Variants in GNB4 observed in about 807,000 individuals in gnomAD.
GNB4 encodes the protein G protein subunit beta 4, also known as guanine nucleotide-binding protein subunit beta-4.
A neutral mutation model predicts 45.2 loss-of-function variants in GNB4; 28 were observed. The observed-to-expected ratio is 0.62, with a 90% CI of 0.46 to 0.85. The LOEUF (loss-of-function observed/expected upper bound fraction) is 0.85, where lower values mean the gene tolerates loss of function less well. GNB4 is among the 40% of genes least tolerant of loss of function. GNB4 has a pLI of 0.00. For synonymous variants in GNB4, 132 were observed against 143.7 expected (o/e 0.92, Z 0.58); for missense variants, 321 against 425.4 (o/e 0.75, Z 2.16).
At chr3:179,525,421 A>G in the GNB4 span, among the ~76,000 whole-genome samples, 1 of 152,160 alleles carries the variant, frequency 6.6e-6, no homozygotes, top group African/African-American at 2.4e-5. Flanking sequence ...GGTTGCCCAT[A>G]GTGAAGGAGG....
chr3:179,468,052 A>ATATATATATATATATATATATATATAT, the GNB4 span, among the ~76,000 whole-genome samples: 3 of 139,456 alleles, frequency 2.2e-5, no homozygotes, highest in Admixed American at 7.2e-5. Context: ...ATATATATAG[A>ATATATATATATATATATATATATATAT]ACAGGTGTGG....
the GNB4 span, among the ~76,000 whole-genome samples, chr3:179,476,631 T>C: frequency 6.6e-6 from 1 of 152,228 alleles, no homozygotes; most frequent in African/African-American, 2.4e-5. Flanking sequence ...GACAAGCCTC[T>C]GCCTGGCCTC....
chr3:179,485,958 C>G, the GNB4 span, among the ~76,000 whole-genome samples: 7 of 151,034 alleles, frequency 4.6e-5, no homozygotes, highest in African/African-American at 1.7e-4. Flanking sequence ...AAAACAACAA[C>G]AAAAACTCAG....
the GNB4 span, among the ~76,000 whole-genome samples, chr3:179,511,566 C>T: frequency 6.6e-6 from 1 of 152,184 alleles, no homozygotes; most frequent in Non-Finnish European, 1.5e-5. Flanking sequence ...TATCTTAGCT[C>T]TACCACTTAC....
chr3:179,517,499 G>A, the GNB4 span, among the ~76,000 whole-genome samples: 4 of 152,066 alleles, frequency 2.6e-5, no homozygotes, highest in African/African-American at 4.8e-5. Flanking sequence ...GCCGTGACTC[G>A]GATCGGGGGA....
chr3:179,505,562 T>A, the GNB4 span, among the ~76,000 whole-genome samples: 2 of 152,202 alleles, frequency 1.3e-5, no homozygotes, highest in Non-Finnish European at 2.9e-5. Flanking sequence ...AATATACATA[T>A]CCACAGGAAT....
the GNB4 span, among the ~76,000 whole-genome samples, chr3:179,498,906 T>TC: frequency 1.3e-5 from 2 of 152,008 alleles, no homozygotes; most frequent in African/African-American, 4.8e-5. Flanking sequence ...CCTAATGCTA[T>TC]CCCTCCCCTA....
At chr3:179,450,004 T>G (rs1559984212) in intron 1 of GNB4, among the ~76,000 whole-genome samples, 1 of 152,254 alleles carries the variant, frequency 6.6e-6, no homozygotes, top group Non-Finnish European at 1.5e-5. Context: ...AAATAATGTT[T>G]ATGGGCCCAC....
At chr3:179,480,854 CT>C in the GNB4 span, among the ~76,000 whole-genome samples, 1,128 of 124,932 alleles carry the variant, frequency 9.0e-3, 14 homozygotes, top group African/African-American at 0.03. Context: ...TTTTTTTTTT[CT>C]TTTTTTTTTT....
the GNB4 span, among the ~76,000 whole-genome samples, chr3:179,470,255 C>A: frequency 2.6e-5 from 4 of 152,040 alleles, no homozygotes; most frequent in Non-Finnish European, 5.9e-5. Context: ...TGTAAAACAG[C>A]CCCAGCCAGG....
the GNB4 span, among the ~76,000 whole-genome samples, chr3:179,483,643 CTG>C: frequency 6.6e-6 from 1 of 152,088 alleles, no homozygotes; most frequent in Non-Finnish European, 1.5e-5. Context: ...GCAAAAAAAT[CTG>C]TGACAAAAAG....
At chr3:179,519,921 C>T in the GNB4 span, among the ~76,000 whole-genome samples, 9 of 152,236 alleles carry the variant, frequency 5.9e-5, no homozygotes, top group East Asian at 1.7e-3. Context: ...TCTTTTAAAG[C>T]CTATAAACTC....
At chr3:179,420,280 C>T (rs373873538) in intron 3 of GNB4, among the ~76,000 whole-genome samples, 3 of 149,550 alleles carry the variant, frequency 2.0e-5, no homozygotes, top group African/African-American at 7.3e-5. Flanking sequence ...AGGCAGGCAC[C>T]ACCATGACCA....
chr3:179,480,937 C>T, the GNB4 span, among the ~76,000 whole-genome samples: 7 of 150,606 alleles, frequency 4.6e-5, no homozygotes, highest in African/African-American at 7.3e-5. Context: ...CTGCAAGCTC[C>T]GCCTCCCGGG....
chr3:179,396,928 T>C lies in GNB4; in HGVS notation c.*4285A>G, dbSNP rs1241236727. The C allele has an allele frequency of 6.6e-6, 1 of 152,192 alleles. No homozygotes were observed. Among genetic ancestry groups the C allele is most frequent in the Non-Finnish European group, 1.5e-5 (1 of 68,038 alleles). 9.4% of individuals were successfully genotyped at this position (152,192 alleles called of 1,614,324 possible). A position where few individuals can be genotyped will look rare whatever the true frequency, so the allele number is the denominator to read the frequency against. ...TACTTCACATTCTACTTAATCTAAT[T>C]TAAAATATAAATTCATTGTGCAACC... On this transcript the variant is annotated 3_prime_UTR_variant, in exon 10 of 10. Transcript: ENST00000232564.
At chr3:179,516,082 T>A in the GNB4 span, among the ~76,000 whole-genome samples, 2 of 152,220 alleles carry the variant, frequency 1.3e-5, no homozygotes, top group African/African-American at 4.8e-5. Flanking sequence ...GGGAGTTCAG[T>A]GCAATTACTT....
the GNB4 span, among the ~76,000 whole-genome samples, chr3:179,523,585 A>C: frequency 6.6e-6 from 1 of 152,192 alleles, no homozygotes; most frequent in Non-Finnish European, 1.5e-5. Context: ...GGAAATGGTA[A>C]GGAGAGTTTA....
chr3:179,454,262 G>A (rs1444140549), upstream of GNB4, among the ~76,000 whole-genome samples: 1 of 152,156 alleles, frequency 6.6e-6, no homozygotes, highest in Non-Finnish European at 1.5e-5. Flanking sequence ...GAGAACCTTT[G>A]AAGACAAAAT....
intron 1 of GNB4, among the ~76,000 whole-genome samples, chr3:179,438,277 C>T (rs761557642): frequency 4.9e-4 from 74 of 152,198 alleles, no homozygotes; most frequent in Non-Finnish European, 8.5e-4. Context: ...AAACTTTACA[C>T]ATGGAGGTTA....
Sources: allele counts gnomAD v4.1 joint callset (sites outside exome capture counted in the v4.1 genomes callset), GRCh38; gene constraint gnomAD v4.1.1; transcripts MANE v1.5; gene names NCBI Gene and HGNC (gene_info 2026-07-23, HGNC 2026-07-21).